The following PDE4D variants were observed in gnomAD, a reference collection of about 807,000 sequenced individuals.
The protein encoded by PDE4D is phosphodiesterase 4D.
In PDE4D, 24 loss-of-function variants were observed where a neutral mutation model predicts 87.4. That is an observed-to-expected ratio of 0.27 (90% CI 0.20 to 0.39). PDE4D has a LOEUF of 0.39. Among genes scored for constraint, PDE4D ranks in the 10% least tolerant of loss-of-function variants. The probability of loss-of-function intolerance (pLI) is 1.00; values close to 1 mark genes in which losing one functional copy is unlikely to be tolerated. For missense variants in PDE4D, 714 were observed against 1,041.0 expected, an observed-to-expected ratio of 0.69 and a Z score of 4.32; for synonymous variants, 384 against 383.2, an observed-to-expected ratio of 1.00 and a Z score of -0.02.
At chr5:60,072,682 T>C (rs1772850096) in intron 2 of PDE4D, among the ~76,000 whole-genome samples, 1 of 152,166 alleles carries the variant, frequency 6.6e-6, no homozygotes, top group South Asian at 2.1e-4. Flanking sequence ...TTAATTTTTA[T>C]GTATAGTGTA....
chr5:59,452,306 T>C (rs1490150874), intron 1 of PDE4D, among the ~76,000 whole-genome samples: 1 of 152,220 alleles, frequency 6.6e-6, no homozygotes, highest in Non-Finnish European at 1.5e-5. Context: ...CTATCAAGGC[T>C]TTATCAAACA....
chr5:60,015,889 CTTTT>C (rs746017066), intron 2 of PDE4D, among the ~76,000 whole-genome samples: 1 of 137,650 alleles, frequency 7.3e-6, no homozygotes. Flanking sequence ...TGAACCAATT[CTTTT>C]TTTTTTTTTT....
intron 6 of PDE4D, among the ~76,000 whole-genome samples, chr5:59,020,226 G>C (rs1754853893): frequency 6.6e-6 from 1 of 152,160 alleles, no homozygotes; most frequent in Admixed American, 6.5e-5. Context: ...TGTAATCCCA[G>C]CACTTTGGAA....
chr5:59,092,324 A>G (rs1176407092), intron 5 of PDE4D, among the ~76,000 whole-genome samples: 4 of 152,138 alleles, frequency 2.6e-5, no homozygotes, highest in Admixed American at 6.5e-5. Flanking sequence ...CATTTATTTA[A>G]CAAAAGAGTA....
At chr5:60,367,652 G>A (rs994733021) in intron 1 of PDE4D, among the ~76,000 whole-genome samples, 6 of 152,112 alleles carry the variant, frequency 3.9e-5, no homozygotes, top group African/African-American at 1.4e-4. Context: ...CCCTCCTGCT[G>A]GGACCTGGCT....
At chr5:59,896,578 G>T (rs911227103), upstream of PDE4D, among the ~76,000 whole-genome samples, 1 of 152,128 alleles carries the variant, frequency 6.6e-6, no homozygotes, top group Non-Finnish European at 1.5e-5. Flanking sequence ...AATAAAATCA[G>T]TATTTCTAGG....
chr5:59,408,842 C>G (rs1452639321), intron 1 of PDE4D, among the ~76,000 whole-genome samples: 1 of 151,962 alleles, frequency 6.6e-6, no homozygotes, highest in Non-Finnish European at 1.5e-5. Context: ...TGGCTGATTT[C>G]TTCCTTTTAG....
intron 1 of PDE4D, among the ~76,000 whole-genome samples, chr5:60,385,163 G>A (rs1178725830): frequency 2.0e-5 from 3 of 152,184 alleles, no homozygotes; most frequent in African/African-American, 7.2e-5. Flanking sequence ...AGTAGAGCCT[G>A]AGCTAAGAAT....
At chr5:59,881,670 G>A (rs1749446754) in intron 1 of PDE4D, among the ~76,000 whole-genome samples, 1 of 152,010 alleles carries the variant, frequency 6.6e-6, no homozygotes, top group Non-Finnish European at 1.5e-5. Flanking sequence ...AATTCTTTCA[G>A]TTCAAGCAAT....
At chr5:59,015,325 A>C (rs1197491031) in intron 6 of PDE4D, among the ~76,000 whole-genome samples, 2 of 152,054 alleles carry the variant, frequency 1.3e-5, no homozygotes, top group African/African-American at 4.8e-5. Flanking sequence ...CTACCATCAG[A>C]GTGAACAGGC....
At chr5:60,045,536 T>C (rs1769117123) in intron 2 of PDE4D, among the ~76,000 whole-genome samples, 1 of 152,196 alleles carries the variant, frequency 6.6e-6, no homozygotes, top group African/African-American at 2.4e-5. Flanking sequence ...AATTGATTTT[T>C]GTATAAGGTG....
chr5:60,309,186 G>C (rs1754776562), intron 1 of PDE4D, among the ~76,000 whole-genome samples: 1 of 151,998 alleles, frequency 6.6e-6, no homozygotes, highest in Non-Finnish European at 1.5e-5. Flanking sequence ...TATGTGCATA[G>C]CATCTGCCTC....
intron 2 of PDE4D, among the ~76,000 whole-genome samples, chr5:59,202,773 T>TC (rs1747803150): frequency 6.6e-6 from 1 of 152,148 alleles, no homozygotes; most frequent in East Asian, 1.9e-4. Context: ...TGTGAATTGC[T>TC]CCTCCTCGCC....
At chr5:59,730,748 T>C (rs1757256834) in intron 1 of PDE4D, among the ~76,000 whole-genome samples, 1 of 152,164 alleles carries the variant, frequency 6.6e-6, no homozygotes, top group Non-Finnish European at 1.5e-5. Flanking sequence ...GATCAATTAT[T>C]GTAGTCATGT....
rs527789896 is a variant in PDE4D, at chr5:59,773,391, A to T, written c.455+119777T>A. 1.4e-4 allele frequency among the ~76,000 whole-genome samples: 22 copies of T among 152,232 alleles called. No individual in the cohort carries two copies. In the East Asian group the frequency reaches 4.2e-3, roughly 29 times the overall value. On this transcript the variant is annotated intron_variant, in intron 1 of 14. Transcript: ENST00000340635. ...CTAGTATTTAAAATTGTTTATGGTT[A>T]TTTCTATGGAAAACAGTAGACACCT...
At chr5:59,026,440 T>C (rs573764195) in intron 6 of PDE4D, among the ~76,000 whole-genome samples, 1 of 152,342 alleles carries the variant, frequency 6.6e-6, no homozygotes, top group Admixed American at 6.5e-5. Context: ...ACATCATGCA[T>C]TCTTGTACTA....
At chr5:59,108,722 C>T (rs2153437195) in intron 5 of PDE4D, among the ~76,000 whole-genome samples, 1 of 152,054 alleles carries the variant, frequency 6.6e-6, no homozygotes, top group African/African-American at 2.4e-5. Context: ...GGCAAAACCC[C>T]ATCTCTACTA....
chr5:59,865,592 GA>G (rs1746897151), intron 1 of PDE4D, among the ~76,000 whole-genome samples: 2 of 152,152 alleles, frequency 1.3e-5, no homozygotes, highest in Non-Finnish European at 2.9e-5. Flanking sequence ...TAAAGCTTCA[GA>G]AGACACTATT....
At chr5:60,395,039 G>A (rs894905427) in intron 1 of PDE4D, among the ~76,000 whole-genome samples, 3 of 152,128 alleles carry the variant, frequency 2.0e-5, no homozygotes, top group Non-Finnish European at 4.4e-5. Flanking sequence ...TGACCCACCC[G>A]AGCCTAGATT....
Sources: allele counts gnomAD v4.1 joint callset (sites outside exome capture counted in the v4.1 genomes callset), GRCh38; gene constraint gnomAD v4.1.1; transcripts MANE v1.5; gene names NCBI Gene and HGNC (gene_info 2026-07-23, HGNC 2026-07-21).